CLUH: variants seen among roughly 807,000 people sequenced by gnomAD.
CLUH encodes the protein clustered mitochondria protein homolog.
CLUH carries 77 observed loss-of-function variants against 139.3 expected under a neutral mutation model. The ratio of observed to expected loss-of-function variants is 0.55; its 90% CI spans 0.46 to 0.67. The LOEUF (loss-of-function observed/expected upper bound fraction) is 0.67, where lower values mean the gene tolerates loss of function less well. Ranked by LOEUF, CLUH falls within the 30% of genes least tolerant of loss-of-function variation. CLUH has a pLI of 0.00. For synonymous variants in CLUH, 999 were observed against 801.6 expected (o/e 1.25, Z -4.16); for missense variants, 1,876 against 1,875.8 (o/e 1.00, Z 0.00).
rs773752718 is a variant in CLUH, at chr17:2,691,967, G to GCC, written c.3654+35_3654+36dup. The GCC allele has an allele frequency of 1.3e-4, 94 of 728,682 alleles. 4 individuals are homozygous for GCC. The East Asian group carries it at 3.6e-3, about 28-fold the overall frequency. 45.1% of individuals were successfully genotyped at this position (728,682 alleles called of 1,614,324 possible). A position where few individuals can be genotyped will look rare whatever the true frequency, so the allele number is the denominator to read the frequency against. On this transcript the variant is annotated intron_variant, in intron 23 of 25. Transcript: ENST00000651024. ...CCCGCCCCCGCCCCGCCACGCCCCC[G>GCC]CCCCGCCCCCGCCCCCGCCACGCCC...
rs899519689 is a variant in CLUH, at chr17:2,698,186, C to T, written c.1671G>A (p.Glu557=). 6.3e-7 allele frequency: 1 copy of T among 1,576,032 alleles called. No individual in the cohort carries two copies. Among genetic ancestry groups the T allele is most frequent in the Non-Finnish European group, 8.6e-7 (1 of 1,161,844 alleles). Residue 557 remains glutamate (E), a synonymous_variant, in exon 10 of 26, where the codon GAG becomes GAA. Coordinates refer to ENST00000651024, the MANE Select transcript of CLUH (RefSeq NM_001366661.1). ...GGGGCCGACTCGTGCGCTCCAGCAG[C>T]TCCAGGTACCGCGGGTGTGACACCA... ...KTVVSHPRYL[E]LLERTSRPLK...
At position 2,707,498 on chromosome 17, in the gene CLUH, A is replaced by G; in HGVS notation, c.101-2934T>C. The stretch of plus-strand genomic sequence containing the variant: ...GACCCCAGGGGGAGCTGCTATCAGC[A>G]CTCAGGCCCACCTCCCTATGCCCCC... On this transcript the variant is annotated intron_variant, in intron 1 of 25. Transcript: ENST00000651024. This position sits in a 1 kb window ranked among gnomAD's most constrained non-coding sequence, Gnocchi z 7.4. 3.0e-6 allele frequency: 3 copies of G among 985,264 alleles called. No homozygotes were observed. The highest frequency in any genetic ancestry group is 2.4e-6 in the Non-Finnish European group (2 of 829,878). 61.0% of individuals were successfully genotyped at this position (985,264 alleles called of 1,614,324 possible). A position where few individuals can be genotyped will look rare whatever the true frequency, so the allele number is the denominator to read the frequency against.
rs1376886844 is a variant in CLUH at position 2,691,989 on chromosome 17, G to A, written c.3654+15C>T. The A allele has an allele frequency of 2.5e-6, 3 of 1,212,960 alleles. No homozygotes were observed. Among genetic ancestry groups the A allele is most frequent in the African/African-American group, 3.3e-5 (2 of 60,360 alleles). The allele number at this position is 1,212,960 out of a possible 1,614,324, so 75.1% of individuals were successfully genotyped here. On this transcript the variant is annotated intron_variant, in intron 23 of 25. Coordinates refer to ENST00000651024, the MANE Select transcript of CLUH (RefSeq NM_001366661.1). ...CCCGCCCCGCCCCCGCCCCCGCCAC[G>A]CCCCCGCCGCGCACCTGCGTCTTGT...
chr17:2,692,918 CGCCTGGCCCCG>C (rs1567578584), intron 19 of CLUH, 58 bp from the exon 20 acceptor site: 4 of 1,481,228 alleles, frequency 2.7e-6, no homozygotes, highest in Non-Finnish European at 2.7e-6. Flanking sequence ...ACCCAGAGCC[CGCCTGGCCCCG>C]GCCCAGCAGC....
chr17:2,697,203 G>A (rs2151705054), intron 10 of CLUH, among the ~76,000 whole-genome samples: 1 of 152,216 alleles, frequency 6.6e-6, no homozygotes, highest in East Asian at 1.9e-4. Flanking sequence ...TTCGAGACCA[G>A]CCTGACCACC....
Position 2,701,353 on chromosome 17 carries a change from G to A in CLUH, c.899+13C>T, listed in dbSNP as rs955789085. 6.9e-6 allele frequency: 11 copies of A among 1,605,488 alleles called. No individual in the cohort carries two copies. The highest frequency in any genetic ancestry group is 1.7e-4 in the Middle Eastern group (1 of 6,050). ...GCACGGCAGGGGGGTGTGGTGGGCT[G>A]GCAGGGACTCACTGATTCAGGTAAA... On this transcript the variant is annotated intron_variant, in intron 6 of 25. Transcript: ENST00000651024.
At position 2,690,474 on chromosome 17, in the gene CLUH, G is replaced by T. The variant is rs905504552; in HGVS notation, c.*120C>A. 1.1e-6 allele frequency: 1 copy of T among 877,212 alleles called. No individual in the cohort carries two copies. The highest frequency in any genetic ancestry group is 1.6e-6 in the Non-Finnish European group (1 of 628,936). 54.3% of individuals were successfully genotyped at this position (877,212 alleles called of 1,614,324 possible). On this transcript the variant is annotated 3_prime_UTR_variant, in exon 26 of 26. Coordinates refer to ENST00000651024, the MANE Select transcript of CLUH (RefSeq NM_001366661.1). ...CCCAGGAGGACACGGGGGTGGGGTG[G>T]GGTGAGACGTGGAGGAAGAGGGCCT...
chr17:2,695,656 A>G, intron 13 of CLUH, 130 bp from the exon 14 acceptor site: 7 of 1,220,260 alleles, frequency 5.7e-6, no homozygotes, highest in Non-Finnish European at 7.8e-6. Flanking sequence ...CCCAGTCAGG[A>G]TGTCAGAATG....
chr17:2,698,658 C>T lies in CLUH; in HGVS notation c.1267-68G>A, dbSNP rs574732644. ...AAGAGCCTGCATCCACCTGGCCAAG[C>T]GCACGCACCTAGACCGCGGAGGCAA... On this transcript the variant is annotated intron_variant, in intron 9 of 25. Coordinates refer to ENST00000651024, the MANE Select transcript of CLUH (RefSeq NM_001366661.1). The T allele has an allele frequency of 4.4e-4, 621 of 1,421,584 alleles. 1 individual carries two copies. Among genetic ancestry groups the T allele is most frequent in the Middle Eastern group, 7.4e-4 (3 of 4,048 alleles). The allele number at this position is 1,421,584 out of a possible 1,614,324, so 88.1% of individuals were successfully genotyped here. A position where few individuals can be genotyped will look rare whatever the true frequency, so the allele number is the denominator to read the frequency against.
intron 1 of CLUH, among the ~76,000 whole-genome samples, chr17:2,710,494 A>G (rs1473971336): frequency 6.6e-6 from 1 of 152,174 alleles, no homozygotes; most frequent in Non-Finnish European, 1.5e-5. Context: ...AGGCGTTAAG[A>G]CCACAAGTCC....
chr17:2,694,805 C>T, intron 16 of CLUH, 52 bp downstream of exon 16: 1 of 1,462,278 alleles, frequency 6.8e-7, no homozygotes, highest in Non-Finnish European at 9.1e-7. Flanking sequence ...CAGGTGGTGG[C>T]CGCCTCATCT....
intron 1 of CLUH, among the ~76,000 whole-genome samples, chr17:2,708,345 C>T (rs1231744850): frequency 6.6e-6 from 1 of 152,000 alleles, no homozygotes; most frequent in Non-Finnish European, 1.5e-5. Context: ...GAAATACACC[C>T]TAACCCTCCG....
intron 1 of CLUH, among the ~76,000 whole-genome samples, chr17:2,710,444 A>G (rs1353700040): frequency 1.3e-5 from 2 of 152,238 alleles, no homozygotes; most frequent in Non-Finnish European, 2.9e-5. Context: ...TTCCCAAGTC[A>G]GCCCTGGCGC....
At chr17:2,697,044 T>A (rs2069976372) in intron 10 of CLUH, 102 bp from the exon 11 acceptor site, 1 of 854,826 alleles carries the variant, frequency 1.2e-6, no homozygotes, top group African/African-American at 1.7e-5. Context: ...CCCGCAGGCA[T>A]AGGGCACCTC....
Position 2,706,202 on chromosome 17 carries a change from G to A in CLUH, c.101-1638C>T, listed in dbSNP as rs1315687907. On this transcript the variant is annotated intron_variant, in intron 1 of 25. Transcript: ENST00000651024. The surrounding 1 kb of genome is among the most constrained non-coding windows in gnomAD (Gnocchi z 4.6). ...CGGACCCACCAGAAACACGGAGCAG[G>A]AGCCTCAGGGAAGGGATGAGGCCAG... Among the ~76,000 whole-genome samples, 1 of 152,138 alleles carries A rather than the reference G, an allele frequency of 6.6e-6. No homozygotes were observed. Among genetic ancestry groups the A allele is most frequent in the African/African-American group, 2.4e-5 (1 of 41,420 alleles).
In CLUH at chr17:2,695,012, G is replaced by A. The variant is rs202050421; in HGVS notation, c.2697C>T (p.Pro899=). 3.3e-4 allele frequency: 537 copies of A among 1,613,630 alleles called. No individual in the cohort carries two copies. Among genetic ancestry groups the A allele is most frequent in the Non-Finnish European group, 4.3e-4 (504 of 1,179,818 alleles). The change falls in exon 16 of 26, where the codon CCC becomes CCT. Residue 899 remains proline (P), a synonymous_variant. Coordinates refer to ENST00000651024, the MANE Select transcript of CLUH (RefSeq NM_001366661.1). ...GCTTCTTGGAGACCAGCTCGTCGGCGGGCAGGTGGGCCACGGGGTTTGGGT... is the reference window on the plus strand; with the variant it reads ...GCTTCTTGGAGACCAGCTCGTCGGCAGGCAGGTGGGCCACGGGGTTTGGGT... The part of the protein sequence containing the change: ...SSYPNPVAHL[P]ADELVSKKRN...
chr17:2,704,337 C>G lies in CLUH; in HGVS notation c.303+25G>C. The G allele has an allele frequency of 6.2e-7, 1 of 1,600,980 alleles. No homozygotes were observed. The highest frequency in any genetic ancestry group is 1.1e-5 in the South Asian group (1 of 88,822). On this transcript the variant is annotated intron_variant, in intron 2 of 25. Transcript: ENST00000651024. The surrounding 1 kb of genome is among the most constrained non-coding windows in gnomAD (Gnocchi z 5.7). ...CTCCCCAGCAGGCTCAGGCCTGGCC[C>G]CCAGCACCCGTTCCTCCATCTTACC...
Position 2,695,051 on chromosome 17 carries a change from G to A in CLUH, c.2658C>T (p.Cys886=), listed in dbSNP as rs1242183712. 4 of 1,613,334 alleles carry A rather than the reference G, an allele frequency of 2.5e-6. No homozygotes were observed. The South Asian group carries it at 3.3e-5, about 13-fold the overall frequency. ...LSAAISHFLN[C]FLSSYPNPVA... The stretch of plus-strand genomic sequence containing the variant: ...CGGGGTTTGGGTAGGAGCTCAGGAA[G>A]CAGTTCAGGAAGTGGCTGATGGCGG... The change falls in exon 16 of 26, where the codon TGC becomes TGT. Residue 886 remains cysteine, a synonymous_variant. Coordinates refer to ENST00000651024, the MANE Select transcript of CLUH (RefSeq NM_001366661.1).
At chr17:2,702,231 A>G (rs922691999) in intron 3 of CLUH, among the ~76,000 whole-genome samples, 174 bp from the exon 4 acceptor site, 1 of 152,012 alleles carries the variant, frequency 6.6e-6, no homozygotes, top group African/African-American at 2.4e-5. Context: ...TTTTGACACC[A>G]CAAACACACA....
Sources: allele counts gnomAD v4.1 joint callset (sites outside exome capture counted in the v4.1 genomes callset), GRCh38; gene constraint gnomAD v4.1.1; non-coding constraint Gnocchi (gnomAD v3.1); transcripts MANE v1.5; gene names NCBI Gene and HGNC (gene_info 2026-07-23, HGNC 2026-07-21).